DEFB119: variants seen among roughly 807,000 people sequenced by gnomAD.
DEFB119 encodes defensin beta 119.
DEFB119 carries 3 observed loss-of-function variants against 2.5 expected under a neutral mutation model. That is an observed-to-expected ratio of 1.19 (90% CI 0.54 to 3.07). DEFB119 has a LOEUF of 3.07. Among genes scored for constraint, DEFB119 ranks in the 30% most tolerant of loss-of-function variants. The probability of loss-of-function intolerance (pLI) is 0.03; values close to 1 mark genes in which losing one functional copy is unlikely to be tolerated. For synonymous variants in DEFB119, 29 were observed against 33.7 expected, an observed-to-expected ratio of 0.86 and a Z score of 0.48; for missense variants, 113 against 101.1, an observed-to-expected ratio of 1.12 and a Z score of -0.50.
intron 1 of DEFB119, among the ~76,000 whole-genome samples, chr20:31,390,161 C>T (rs536303353): frequency 6.6e-5 from 10 of 152,172 alleles, no homozygotes; most frequent in South Asian, 2.1e-4. Context: ...CCTGCACCCA[C>T]GCTTTGCCCC....
chr20:31,379,507 T>A (rs1986428638), intron 1 of DEFB119, among the ~76,000 whole-genome samples: 1 of 152,026 alleles, frequency 6.6e-6, no homozygotes, highest in Non-Finnish European at 1.5e-5. Flanking sequence ...GAGTCTTTTT[T>A]TTTTGTGGAA....
At chr20:31,390,321 G>T (rs6141858) in intron 1 of DEFB119, 102 bp downstream of exon 1, 1 of 1,102,574 alleles carries the variant, frequency 9.1e-7, no homozygotes, top group Non-Finnish European at 1.4e-6. Flanking sequence ...CGAAGCTGCA[G>T]GAGAGAAGGA....
At position 31,390,525 on chromosome 20, in the gene DEFB119, G is replaced by A. The variant is rs980357638; in HGVS notation, c.-42C>T. The A allele has an allele frequency of 1.3e-6, 2 of 1,595,220 alleles. No individual in the cohort carries two copies. Among genetic ancestry groups the A allele is most frequent in the Non-Finnish European group, 1.7e-6 (2 of 1,165,578 alleles). On this transcript the variant is annotated 5_prime_UTR_variant, in exon 1 of 2. Transcript: ENST00000376321. ...AGGAGGAGGTGGCTGAGCTGCAGGG[G>A]AAGGAAATAGGGTTCCCTGCAGCAC...
intron 1 of DEFB119, among the ~76,000 whole-genome samples, chr20:31,382,847 T>C (rs552634553): frequency 5.3e-5 from 8 of 152,226 alleles, no homozygotes; most frequent in Non-Finnish European, 1.0e-4. Context: ...CTAATATGTG[T>C]GTGTTTGGGG....
At position 31,377,298 on chromosome 20, in the gene DEFB119, TTGCCAGAAA is replaced by T; in HGVS notation, c.194_202del (p.Ile65_Gly67del). 1 of 1,614,056 alleles carries T rather than the reference TTGCCAGAAA, an allele frequency of 6.2e-7. No homozygotes were observed. Among genetic ancestry groups the T allele is most frequent in the South Asian group, 1.1e-5 (1 of 91,046 alleles). ...ATAAGACCAGTCGGTATTTTCCTCTTTGCCAGAAATGCTTATCCTCATGTAGGACTGGAG... is the reference window on the plus strand; with the variant it reads ...ATAAGACCAGTCGGTATTTTCCTCTTTGCTTATCCTCATGTAGGACTGGAG... On this transcript the variant is annotated inframe_deletion, in exon 2 of 2. Coordinates refer to ENST00000376321, the MANE Select transcript of DEFB119 (RefSeq NM_153289.4).
At chr20:31,381,132 G>A (rs998206379) in intron 1 of DEFB119, among the ~76,000 whole-genome samples, 5 of 152,068 alleles carry the variant, frequency 3.3e-5, no homozygotes, top group African/African-American at 7.2e-5. Flanking sequence ...TCTCTACATA[G>A]TTCATTAGAT....
intron 1 of DEFB119, among the ~76,000 whole-genome samples, chr20:31,377,744 T>C (rs1380079979): frequency 6.6e-6 from 1 of 152,194 alleles, no homozygotes; most frequent in Non-Finnish European, 1.5e-5. Flanking sequence ...ATGAATTCCC[T>C]GGGTTTTCTT....
intron 1 of DEFB119, chr20:31,388,050 G>C: frequency 1.0e-6 from 1 of 985,372 alleles, no homozygotes; most frequent in Non-Finnish European, 1.2e-6. Context: ...ACGCAGTTCA[G>C]GGTGAAAAAC....
chr20:31,388,929 T>G, intron 1 of DEFB119: 1,370 of 1,129,340 alleles, frequency 1.2e-3, no homozygotes, highest in East Asian at 5.4e-3. Context: ...CCTCAATCCA[T>G]TTGAAGTATC....
chr20:31,387,847 G>C (rs1051021567), intron 1 of DEFB119, among the ~76,000 whole-genome samples: 2 of 152,188 alleles, frequency 1.3e-5, no homozygotes, highest in African/African-American at 4.8e-5. Context: ...TATTCCCCTT[G>C]CTCCTAGCAA....
At chr20:31,388,310 G>T in intron 1 of DEFB119, 1 of 985,632 alleles carries the variant, frequency 1.0e-6, no homozygotes, top group Non-Finnish European at 1.2e-6. Flanking sequence ...GACGACATTT[G>T]TTGAGTGCTT....
chr20:31,384,534 A>G (rs1986618845), intron 1 of DEFB119, among the ~76,000 whole-genome samples: 1 of 152,232 alleles, frequency 6.6e-6, no homozygotes, highest in Non-Finnish European at 1.5e-5. Flanking sequence ...AGATCTGAGA[A>G]TCAAAGTGAA....
intron 1 of DEFB119, among the ~76,000 whole-genome samples, chr20:31,381,310 C>T (rs892844495): frequency 1.6e-4 from 25 of 152,140 alleles, no homozygotes. Flanking sequence ...AGGTATTTTG[C>T]CTTTGCTTTT....
chr20:31,382,914 A>T (rs1482883538), intron 1 of DEFB119, among the ~76,000 whole-genome samples: 1 of 152,254 alleles, frequency 6.6e-6, no homozygotes, highest in African/African-American at 2.4e-5. Flanking sequence ...AATACGTGTC[A>T]TAACTTCTTA....
chr20:31,388,884 G>T, intron 1 of DEFB119: 1 of 1,452,006 alleles, frequency 6.9e-7, no homozygotes, highest in Non-Finnish European at 9.2e-7. Context: ...GACTTCTCTC[G>T]ACTAGCTCTT....
At chr20:31,384,885 C>T (rs1173471154) in intron 1 of DEFB119, among the ~76,000 whole-genome samples, 1 of 152,100 alleles carries the variant, frequency 6.6e-6, no homozygotes, top group Non-Finnish European at 1.5e-5. Flanking sequence ...TTCAACCTAA[C>T]CTGAGTCAAT....
rs1600504974 is a variant in DEFB119 at position 31,378,472 on chromosome 20, G to GTATCCA, written c.62-1034_62-1033insTGGATA. The GTATCCA allele has an allele frequency of 2.5e-6, 4 of 1,588,612 alleles. 1 individual carries two copies. The highest frequency in any genetic ancestry group is 4.5e-5 in the East Asian group (2 of 44,316). ...TAACATAATAATATCAAAAACATCC[G>GTATCCA]CGTTCCAGCAAAAATTACTCATCAT... On this transcript the variant is annotated intron_variant, in intron 1 of 1. Transcript: ENST00000376321.
In DEFB119 at chr20:31,389,067, G is replaced by A. The variant is rs151140528; in HGVS notation, c.61+1356C>T. On this transcript the variant is annotated intron_variant, in intron 1 of 1. Transcript: ENST00000376321. ...TTGTCTTCATTTTTGGAGCTGTTGT[G>A]GACATCTGAGGAGTGGTCCAGCCAA... 6.7e-4 allele frequency: 1,089 copies of A among 1,614,022 alleles called. 6 individuals are homozygous for A. Among genetic ancestry groups the A allele is most frequent in the Non-Finnish European group, 1.9e-4 (219 of 1,180,028 alleles).
chr20:31,388,961 C>T (rs1380958463), intron 1 of DEFB119: 44 of 1,583,726 alleles, frequency 2.8e-5, no homozygotes, highest in Non-Finnish European at 3.3e-5. Flanking sequence ...TTGACAGACA[C>T]CAGAAACAAA....
Sources: allele counts gnomAD v4.1 joint callset (sites outside exome capture counted in the v4.1 genomes callset), GRCh38; gene constraint gnomAD v4.1.1; transcripts MANE v1.5; gene names NCBI Gene and HGNC (gene_info 2026-07-23, HGNC 2026-07-21).